Variants in RGPD2 observed in about 807,000 individuals in gnomAD.
The protein encoded by RGPD2 is RANBP2 like and GRIP domain containing 2.
RGPD2 carries 2 observed loss-of-function variants against 36.0 expected under a neutral mutation model. That is an observed-to-expected ratio of 0.06 (90% confidence interval 0.02 to 0.17). The LOEUF (loss-of-function observed/expected upper bound fraction) is 0.17. Ranked by LOEUF, RGPD2 falls within the 10% of genes least tolerant of loss-of-function variation. The probability of loss-of-function intolerance (pLI) is 1.00; values close to 1 mark genes in which losing one functional copy is unlikely to be tolerated. For missense variants in RGPD2, 40 were observed against 464.3 expected (o/e 0.09, Z 8.40); for synonymous variants, 19 against 163.8 (o/e 0.12, Z 6.75).
the RGPD2 span, among the ~76,000 whole-genome samples, chr2:87,861,434 A>G: frequency 1.3e-5 from 2 of 151,998 alleles, no homozygotes; most frequent in African/African-American, 4.8e-5. Flanking sequence ...TGTTTGGAAC[A>G]TTTACTCTCT....
chr2:87,825,522 CGGCCGAGGCCGA>C lies in RGPD2; in HGVS notation c.72+124_72+135del, dbSNP rs1307876190. On this transcript the variant is annotated intron_variant, in intron 1 of 22. Coordinates refer to ENST00000398146, the MANE Select transcript of RGPD2 (RefSeq NM_001078170.3). Reference sequence around the variant, plus strand: ...CGAGGCCGAGGCCGAGGCCGCCGCCCGGCCGAGGCCGAGGCCGAGGCCGCCGCCCGGCCAGGT... The same window carrying C: ...CGAGGCCGAGGCCGAGGCCGCCGCCCGGCCGAGGCCGCCGCCCGGCCAGGT... 3.0e-5 allele frequency: 13 copies of C among 436,360 alleles called. No homozygotes were observed. The African/African-American group carries it at 3.6e-4, about 12-fold the overall frequency. 27.0% of individuals were successfully genotyped at this position (436,360 alleles called of 1,614,324 possible).
chr2:87,989,347 A>AT, the RGPD2 span, among the ~76,000 whole-genome samples: 1 of 147,526 alleles, frequency 6.8e-6, no homozygotes, highest in Non-Finnish European at 1.5e-5. Flanking sequence ...TATTTGCAAA[A>AT]TGTTTTCCAA....
the RGPD2 span, among the ~76,000 whole-genome samples, chr2:87,842,335 G>T: frequency 6.1e-5 from 9 of 148,184 alleles, no homozygotes; most frequent in East Asian, 1.9e-4. Context: ...CAAAATCTCC[G>T]TAAGCTGATA....
At chr2:87,809,502 A>C (rs1485105849) in intron 6 of RGPD2, among the ~76,000 whole-genome samples, 1 of 138,288 alleles carries the variant, frequency 7.2e-6, no homozygotes, top group Non-Finnish European at 1.6e-5. Context: ...CTCCGTCTCT[A>C]CTAAAAATAC....
At chr2:87,849,204 TG>T in the RGPD2 span, among the ~76,000 whole-genome samples, 2 of 150,512 alleles carry the variant, frequency 1.3e-5, no homozygotes, top group Non-Finnish European at 3.0e-5. Context: ...ATGCATATAC[TG>T]ATAATGTATT....
At chr2:87,930,708 T>C in the RGPD2 span, among the ~76,000 whole-genome samples, 1,198 of 151,152 alleles carry the variant, frequency 7.9e-3, 19 homozygotes, top group African/African-American at 0.028. Context: ...CTTTTTTGGG[T>C]TGGTAGACTA....
chr2:87,948,450 C>T, the RGPD2 span, among the ~76,000 whole-genome samples: 4 of 151,114 alleles, frequency 2.6e-5, no homozygotes, highest in Admixed American at 2.0e-4. Flanking sequence ...GGCACAATCT[C>T]GGCTCACCGC....
the RGPD2 span, among the ~76,000 whole-genome samples, chr2:87,895,295 AC>A: frequency 1.3e-5 from 2 of 150,624 alleles, no homozygotes; most frequent in East Asian, 3.9e-4. Context: ...GTGTAGGGAA[AC>A]ACATAGTAAA....
intron 6 of RGPD2, among the ~76,000 whole-genome samples, chr2:87,809,199 G>C (rs1023019494): frequency 7.2e-5 from 11 of 151,966 alleles, no homozygotes; most frequent in Admixed American, 7.2e-4. Context: ...CAGCTACTCG[G>C]GAGGCTGAGG....
the RGPD2 span, among the ~76,000 whole-genome samples, chr2:87,847,446 T>C: frequency 4.6e-5 from 7 of 151,834 alleles, no homozygotes; most frequent in East Asian, 1.4e-3. Context: ...AGTGTAAAGT[T>C]GTCTGGCTTT....
At chr2:87,938,105 A>G in the RGPD2 span, among the ~76,000 whole-genome samples, 1 of 151,692 alleles carries the variant, frequency 6.6e-6, no homozygotes, top group Non-Finnish European at 1.5e-5. Flanking sequence ...AGCCGAAGAG[A>G]GAAGTAAAAT....
intron 6 of RGPD2, among the ~76,000 whole-genome samples, chr2:87,809,124 T>G (rs1686048918): frequency 7.0e-6 from 1 of 142,886 alleles, no homozygotes. Context: ...GCTAACACAG[T>G]GAAACCCCAT....
the RGPD2 span, among the ~76,000 whole-genome samples, chr2:87,884,853 A>C: frequency 2.0e-5 from 3 of 152,168 alleles, no homozygotes; most frequent in South Asian, 2.1e-4. Flanking sequence ...ATGAATTCTA[A>C]TTAACATTTA....
chr2:87,781,464 G>GTTTTTTTTTTTTTTTTTTT (rs879124297), intron 20 of RGPD2, among the ~76,000 whole-genome samples: 2 of 112,612 alleles, frequency 1.8e-5, no homozygotes, highest in African/African-American at 3.4e-5. Context: ...TTGTTTTTTT[G>GTTTTTTTTTTTTTTTTTTT]TTTTTTTTTT....
chr2:87,825,899 C>G (rs377231643), upstream of RGPD2: 68 of 866,496 alleles, frequency 7.8e-5, no homozygotes, highest in Non-Finnish European at 1.1e-4. Flanking sequence ...CGTCGGCGCT[C>G]GAGCTGCACT....
the RGPD2 span, among the ~76,000 whole-genome samples, chr2:87,857,571 T>C: frequency 6.6e-6 from 1 of 150,678 alleles, no homozygotes; most frequent in Non-Finnish European, 1.5e-5. Context: ...CTCGATCTCC[T>C]GACCTTGTGA....
the RGPD2 span, among the ~76,000 whole-genome samples, chr2:87,869,916 T>C: frequency 6.6e-6 from 1 of 152,282 alleles, no homozygotes; most frequent in African/African-American, 2.4e-5. Flanking sequence ...TACACCTTGT[T>C]CTTCTGATTT....
the RGPD2 span, among the ~76,000 whole-genome samples, chr2:87,870,612 T>G: frequency 8.9e-4 from 135 of 152,342 alleles, 1 homozygote; most frequent in African/African-American, 3.2e-3. Context: ...CCTACTCTGT[T>G]GGACCTGTAA....
chr2:87,842,717 G>C, the RGPD2 span, among the ~76,000 whole-genome samples: 14 of 151,798 alleles, frequency 9.2e-5, no homozygotes, highest in Non-Finnish European at 1.3e-4. Flanking sequence ...CTACTTTAAA[G>C]TTCATATGGA....
Sources: gnomAD v4.1 joint callset for allele counts (sites outside exome capture counted in the v4.1 genomes callset) on GRCh38, gnomAD v4.1.1 for gene constraint, MANE v1.5 for transcripts, NCBI Gene and HGNC (gene_info 2026-07-23, HGNC 2026-07-21) for gene names.